HIBCH: variants seen among roughly 807,000 people sequenced by gnomAD.
The protein encoded by HIBCH is 3-hydroxyisobutyryl-CoA hydrolase, mitochondrial.
A neutral mutation model predicts 58.2 loss-of-function variants in HIBCH; 50 were observed. The ratio of observed to expected loss-of-function variants is 0.86; its 90% CI spans 0.68 to 1.09. The LOEUF (loss-of-function observed/expected upper bound fraction) is 1.09. HIBCH is among the 50% of genes least tolerant of loss of function. The probability of loss-of-function intolerance (pLI) is 0.00; values close to 1 mark genes in which losing one functional copy is unlikely to be tolerated. For synonymous variants in HIBCH, 151 were observed against 146.9 expected, an observed-to-expected ratio of 1.03 and a Z score of -0.20; for missense variants, 450 against 449.7, an observed-to-expected ratio of 1.00 and a Z score of -0.01.
intron 8 of HIBCH, among the ~76,000 whole-genome samples, chr2:190,250,839 C>A (rs547209811): frequency 2.0e-5 from 3 of 152,202 alleles, no homozygotes; most frequent in Non-Finnish European, 4.4e-5. Context: ...AAAATTTCCA[C>A]AGCCAATTTA....
At chr2:190,269,185 T>C (rs531473471) in intron 6 of HIBCH, among the ~76,000 whole-genome samples, 7 of 152,194 alleles carry the variant, frequency 4.6e-5, no homozygotes, top group Non-Finnish European at 1.0e-4. Flanking sequence ...AAAGACTTCA[T>C]GACTAAAACA....
At chr2:190,312,924 C>T (rs1688596613) in intron 1 of HIBCH, among the ~76,000 whole-genome samples, 1 of 152,162 alleles carries the variant, frequency 6.6e-6, no homozygotes, top group Admixed American at 6.5e-5. Context: ...CAAGGCGAAA[C>T]CCCGTTTCCA....
intron 1 of HIBCH, among the ~76,000 whole-genome samples, chr2:190,190,273 A>C (rs1267714617): frequency 6.6e-6 from 1 of 152,192 alleles, no homozygotes; most frequent in Admixed American, 6.5e-5. Context: ...ATTTCTATTC[A>C]TAGGGTCACT....
chr2:190,206,492 AT>A lies in HIBCH; in HGVS notation c.1046-1261del, dbSNP rs1320828420. On this transcript the variant is annotated intron_variant, in intron 13 of 13. Coordinates refer to ENST00000359678, the MANE Select transcript of HIBCH (RefSeq NM_014362.4). The surrounding 1 kb of genome is among the most constrained non-coding windows in gnomAD (Gnocchi z 5.1). Reference sequence around the variant, plus strand: ...TTTGTTATTTTATTTCAAGCTAACAATTTTTTTACTAGAATACATACAAGTT... The same window carrying A: ...TTTGTTATTTTATTTCAAGCTAACAATTTTTTACTAGAATACATACAAGTT... Among the ~76,000 whole-genome samples, 4 of 152,096 alleles carry A rather than the reference AT, an allele frequency of 2.6e-5. No homozygotes were observed. Among genetic ancestry groups the A allele is most frequent in the Admixed American group, 1.3e-4 (2 of 15,274 alleles).
At chr2:190,244,082 G>A (rs1686532659) in intron 11 of HIBCH, among the ~76,000 whole-genome samples, 1 of 151,978 alleles carries the variant, frequency 6.6e-6, no homozygotes, top group African/African-American at 2.4e-5. Context: ...GAAATGCTAT[G>A]ATTACATCTA....
At chr2:190,196,926 A>G (rs930398255) in intron 1 of HIBCH, among the ~76,000 whole-genome samples, 3 of 152,120 alleles carry the variant, frequency 2.0e-5, no homozygotes, top group East Asian at 3.9e-4. Flanking sequence ...GTGTTTATCA[A>G]TCAGTCACAC....
chr2:190,297,508 G>C (rs924686815), intron 2 of HIBCH, among the ~76,000 whole-genome samples: 3 of 152,222 alleles, frequency 2.0e-5, no homozygotes, highest in Non-Finnish European at 2.9e-5. Flanking sequence ...CTGAGGAAAC[G>C]AGTGGTGAGA....
chr2:190,212,314 G>A (rs1690531799), intron 12 of HIBCH, among the ~76,000 whole-genome samples: 1 of 152,044 alleles, frequency 6.6e-6, no homozygotes, highest in Non-Finnish European at 1.5e-5. Flanking sequence ...CTCCTTTCTG[G>A]CTATTAAGCC....
At chr2:190,318,132 T>A (rs1040391848) in intron 1 of HIBCH, among the ~76,000 whole-genome samples, 1 of 151,790 alleles carries the variant, frequency 6.6e-6, no homozygotes, top group African/African-American at 2.4e-5. Flanking sequence ...AGCCCTTAAG[T>A]GCAAATTTAT....
At chr2:190,316,263 TAAGACTA>T (rs1688708166) in intron 1 of HIBCH, among the ~76,000 whole-genome samples, 1 of 152,162 alleles carries the variant, frequency 6.6e-6, no homozygotes. Flanking sequence ...CCTGAACAGC[TAAGACTA>T]CAGGCGCACA....
chr2:190,235,530 T>A (rs749721259), intron 11 of HIBCH, among the ~76,000 whole-genome samples: 3 of 152,214 alleles, frequency 2.0e-5, no homozygotes, highest in Non-Finnish European at 4.4e-5. Context: ...TGTTACAATT[T>A]AAAAACATGA....
chr2:190,248,679 T>C (rs1320823457), intron 9 of HIBCH, among the ~76,000 whole-genome samples: 2 of 151,964 alleles, frequency 1.3e-5, no homozygotes, highest in Non-Finnish European at 2.9e-5. Flanking sequence ...CTGGCCAACA[T>C]GGTGAAACCC....
intron 11 of HIBCH, among the ~76,000 whole-genome samples, chr2:190,219,953 A>C (rs1460916243): frequency 6.6e-6 from 1 of 152,226 alleles, no homozygotes; most frequent in Non-Finnish European, 1.5e-5. Context: ...ACTCCAGAGA[A>C]GTGTCTTAAC....
At position 190,254,573 on chromosome 2, in the gene HIBCH, A is replaced by G. The variant is rs291407; in HGVS notation, c.518-2266T>C. 0.31 allele frequency among the ~76,000 whole-genome samples: 47,607 copies of G among 152,050 alleles called. 8,593 individuals carry two copies. The highest frequency in any genetic ancestry group is 0.48 in the African/African-American group (19,768 of 41,408). On this transcript the variant is annotated intron_variant, in intron 7 of 13. Transcript: ENST00000359678. This position sits in a 1 kb window ranked among gnomAD's most constrained non-coding sequence, Gnocchi z 5.0. ...ATCTGCCACCTAAACAGAACCACAT[A>G]GATAATAAGTATCTCACATTTAACA...
intron 11 of HIBCH, among the ~76,000 whole-genome samples, chr2:190,239,959 T>G (rs752112571): frequency 9.1e-4 from 139 of 151,938 alleles, no homozygotes; most frequent in Admixed American, 1.8e-3. Context: ...CTTGAAATAT[T>G]TTTTTATTGT....
intron 3 of HIBCH, among the ~76,000 whole-genome samples, chr2:190,294,905 TCTTTGCCATAA>T (rs1418430430): frequency 6.6e-6 from 1 of 152,182 alleles, no homozygotes; most frequent in East Asian, 1.9e-4. Context: ...GCACCTGAAA[TCTTTGCCATAA>T]CTTTGATACC....
chr2:190,313,549 T>C (rs1688612594), intron 1 of HIBCH, among the ~76,000 whole-genome samples: 1 of 150,554 alleles, frequency 6.6e-6, no homozygotes, highest in Non-Finnish European at 1.5e-5. Flanking sequence ...CAACACCACT[T>C]ATCTAACAAT....
intron 7 of HIBCH, among the ~76,000 whole-genome samples, chr2:190,257,428 G>A (rs909877351): frequency 5.3e-5 from 8 of 151,484 alleles, no homozygotes; most frequent in Non-Finnish European, 1.0e-4. Flanking sequence ...GCAGAAATCA[G>A]CAAAATAAAA....
chr2:190,280,262 C>G (rs1305367527), intron 6 of HIBCH, among the ~76,000 whole-genome samples: 1 of 152,152 alleles, frequency 6.6e-6, no homozygotes, highest in Non-Finnish European at 1.5e-5. Flanking sequence ...CCTGTGCACA[C>G]TGGGATGGGG....
Sources: allele counts gnomAD v4.1 joint callset (sites outside exome capture counted in the v4.1 genomes callset), GRCh38; gene constraint gnomAD v4.1.1; non-coding constraint Gnocchi (gnomAD v3.1); transcripts MANE v1.5; gene names NCBI Gene and HGNC (gene_info 2026-07-23, HGNC 2026-07-21).